The following ZEB1 variants were observed in gnomAD, a reference collection of about 807,000 sequenced individuals.
ZEB1 encodes zinc finger E-box binding homeobox 1.
Under a neutral mutation model 84.9 loss-of-function variants are expected in ZEB1, and 21 were observed. The observed-to-expected ratio is 0.25, with a 90% confidence interval of 0.18 to 0.36. The LOEUF is 0.36. Ranked by LOEUF, ZEB1 falls within the 10% of genes least tolerant of loss-of-function variation. ZEB1 has a pLI of 1.00. For synonymous variants in ZEB1, 420 were observed against 471.1 expected (o/e 0.89, Z 1.41); for missense variants, 1,104 against 1,330.2 (o/e 0.83, Z 2.65).
At chr10:31,396,163 A>G (rs918401718) in intron 1 of ZEB1, among the ~76,000 whole-genome samples, 2 of 152,196 alleles carry the variant, frequency 1.3e-5, no homozygotes, top group Non-Finnish European at 2.9e-5. Flanking sequence ...TACATTGAGC[A>G]ACCAAATCAG....
chr10:31,467,942 G>A (rs12570408), intron 2 of ZEB1, among the ~76,000 whole-genome samples: 42 of 152,248 alleles, frequency 2.8e-4, no homozygotes, highest in East Asian at 2.3e-3. Context: ...TAATTGGGCC[G>A]GCTGCCAGGG....
At chr10:31,391,233 G>GTT (rs2049625252) in intron 1 of ZEB1, among the ~76,000 whole-genome samples, 1 of 95,938 alleles carries the variant, frequency 1.0e-5, no homozygotes, top group Non-Finnish European at 2.2e-5. Flanking sequence ...AGGTAAGTTT[G>GTT]TGTGTGTGTG....
intron 1 of ZEB1, among the ~76,000 whole-genome samples, chr10:31,376,759 A>G (rs2046697192): frequency 6.6e-6 from 1 of 151,680 alleles, no homozygotes; most frequent in East Asian, 1.9e-4. Context: ...ATATATGAAA[A>G]TGCTAGAAGA....
chr10:31,436,695 G>A (rs1053530582), intron 1 of ZEB1, among the ~76,000 whole-genome samples: 1 of 152,172 alleles, frequency 6.6e-6, no homozygotes, highest in Non-Finnish European at 1.5e-5. Flanking sequence ...GGTTGAAGCA[G>A]GGTGCAGAAG....
At chr10:31,525,205 A>G (rs1209122612) in intron 8 of ZEB1, among the ~76,000 whole-genome samples, 1 of 152,236 alleles carries the variant, frequency 6.6e-6, no homozygotes, top group Non-Finnish European at 1.5e-5. Context: ...ATGCTGTTCT[A>G]CAATGGCAGG....
intron 2 of ZEB1, among the ~76,000 whole-genome samples, chr10:31,462,046 G>C (rs1360177178): frequency 1.3e-5 from 2 of 152,116 alleles, no homozygotes; most frequent in East Asian, 3.8e-4. Context: ...TCGAATCCAA[G>C]ACCAGTCAAA....
At chr10:31,526,532 A>G (rs967483206) in intron 8 of ZEB1, 140 bp from the exon 9 acceptor site, 2 of 1,074,746 alleles carry the variant, frequency 1.9e-6, no homozygotes, top group Admixed American at 2.3e-5. Flanking sequence ...TTATATTACA[A>G]AGAGTTTGGG....
intron 1 of ZEB1, among the ~76,000 whole-genome samples, chr10:31,446,878 A>C (rs2136855404): frequency 6.6e-6 from 1 of 152,184 alleles, no homozygotes; most frequent in Middle Eastern, 3.4e-3. Context: ...GCTGAAAAAA[A>C]TGTATATTCT....
At chr10:31,325,984 T>A (rs1316290589) in intron 1 of ZEB1, among the ~76,000 whole-genome samples, 2 of 150,078 alleles carry the variant, frequency 1.3e-5, no homozygotes, top group Non-Finnish European at 3.0e-5. Context: ...TTTTTTTTTT[T>A]AAGTAGATAG....
chr10:31,527,100 G>C lies in ZEB1; in HGVS notation c.3214G>C (p.Glu1072Gln). The C allele has an allele frequency of 1.3e-6, 2 of 1,597,918 alleles. No homozygotes were observed. The highest frequency in any genetic ancestry group is 2.3e-5 in the South Asian group (2 of 88,812). Reference sequence around the variant, plus strand: ...TGAGGAAGAGGAGGAGGAGGAGGAAGAAGTGGAAGAAGAAGAGGTAGAAGA... The same window carrying C: ...TGAGGAAGAGGAGGAGGAGGAGGAACAAGTGGAAGAAGAAGAGGTAGAAGA... Reference protein sequence around the residue: ...GDEEEEEEEEEVEEEEVEEAE... With the variant: ...GDEEEEEEEEQVEEEEVEEAE... Residue 1072 changes from glutamate (E) to glutamine (Q), a missense_variant, in exon 9 of 9, where the codon GAA becomes CAA. Glu to Gln is a conservative substitution (Grantham distance 29). This residue lies in a region of ZEB1 where 173 missense variants were observed against 167.0 expected (regional missense o/e 1.04). Coordinates refer to ENST00000424869, the MANE Select transcript of ZEB1 (RefSeq NM_001174096.2).
intron 1 of ZEB1, among the ~76,000 whole-genome samples, chr10:31,457,931 A>G (rs2061422703): frequency 6.6e-6 from 1 of 152,196 alleles, no homozygotes; most frequent in Non-Finnish European, 1.5e-5. Context: ...AAAATTGATA[A>G]TATAATGCTA....
chr10:31,468,052 G>C (rs2062664782), intron 2 of ZEB1, among the ~76,000 whole-genome samples: 1 of 152,124 alleles, frequency 6.6e-6, no homozygotes. Context: ...CTCTTACCCT[G>C]AACCAGCTCT....
chr10:31,369,757 G>GT (rs927556664), intron 1 of ZEB1, among the ~76,000 whole-genome samples: 2 of 151,988 alleles, frequency 1.3e-5, no homozygotes, highest in Non-Finnish European at 1.5e-5. Context: ...TCTATTTTTA[G>GT]TTTTTTTGGG....
intron 1 of ZEB1, among the ~76,000 whole-genome samples, chr10:31,427,623 G>A (rs1159862814): frequency 6.6e-6 from 1 of 152,282 alleles, no homozygotes. Flanking sequence ...GGAGGCCAAG[G>A]CGGGTGGATC....
intron 2 of ZEB1, among the ~76,000 whole-genome samples, chr10:31,475,173 C>T (rs1482796177): frequency 3.3e-5 from 5 of 150,724 alleles, no homozygotes; most frequent in Non-Finnish European, 7.4e-5. Flanking sequence ...AACTAACCTG[C>T]ACAATGTGCA....
At chr10:31,495,464 G>A (rs140250207) in intron 2 of ZEB1, among the ~76,000 whole-genome samples, 4 of 151,948 alleles carry the variant, frequency 2.6e-5, no homozygotes, top group East Asian at 3.9e-4. Context: ...TCTTTAAACA[G>A]CTTTACTTTT....
chr10:31,373,054 A>T, intron 1 of ZEB1: 1 of 985,446 alleles, frequency 1.0e-6, no homozygotes, highest in Non-Finnish European at 1.2e-6. Flanking sequence ...ATTGGCCGAA[A>T]ACTCCCATCT....
chr10:31,389,029 T>C (rs952581469), intron 1 of ZEB1, among the ~76,000 whole-genome samples: 1 of 152,120 alleles, frequency 6.6e-6, no homozygotes, highest in African/African-American at 2.4e-5. Flanking sequence ...CAACATACTT[T>C]AGAAAAGAAA....
In ZEB1 at chr10:31,520,757, C is replaced by T. The variant is rs942546223; in HGVS notation, c.1425C>T (p.Ile475=). Residue 475 remains isoleucine (I), a synonymous_variant, in exon 7 of 9, where the codon ATC becomes ATT. Transcript: ENST00000424869. The surrounding 1 kb of genome is among the most constrained non-coding windows in gnomAD (Gnocchi z 5.1). ...LVDQDGTTKI[I]INYSLEQPSQ... is the part of the protein sequence containing the mutation. ...ATCAAGATGGAACAACCAAAATTAT[C>T]ATCAACTACAGTCTTGAGCAGCCTA... 3 of 1,614,018 alleles carry T rather than the reference C, an allele frequency of 1.9e-6. No individual in the cohort carries two copies. The highest frequency in any genetic ancestry group is 2.5e-6 in the Non-Finnish European group (3 of 1,180,000).
Sources: gnomAD v4.1 joint callset for allele counts (sites outside exome capture counted in the v4.1 genomes callset) on GRCh38, gnomAD v4.1.1 for gene constraint, gnomAD v4.1.1 regional missense constraint, Gnocchi (gnomAD v3.1) non-coding constraint, MANE v1.5 for transcripts, NCBI Gene and HGNC (gene_info 2026-07-23, HGNC 2026-07-21) for gene names.